The following ATP8B1 variants were observed in gnomAD, a reference collection of about 807,000 sequenced individuals.
ATP8B1 encodes phospholipid-transporting ATPase IC.
Under a neutral mutation model 149.9 loss-of-function variants are expected in ATP8B1, and 80 were observed. That is an observed-to-expected ratio of 0.53 (90% CI 0.45 to 0.64). ATP8B1 has a LOEUF of 0.64. Ranked by LOEUF, ATP8B1 falls within the 30% of genes least tolerant of loss-of-function variation. The pLI is 0.00. For synonymous variants in ATP8B1, 536 were observed against 562.8 expected (o/e 0.95, Z 0.67); for missense variants, 1,247 against 1,552.6 (o/e 0.80, Z 3.31).
intron 16 of ATP8B1, among the ~76,000 whole-genome samples, chr18:57,674,423 C>T (rs1296494576): frequency 1.4e-4 from 17 of 124,238 alleles, no homozygotes; most frequent in South Asian, 1.1e-3. Flanking sequence ...CTTGCTTTAT[C>T]GCCCAGGCTG....
At chr18:57,775,872 G>A (rs1196446416) in intron 1 of ATP8B1, among the ~76,000 whole-genome samples, 2 of 152,114 alleles carry the variant, frequency 1.3e-5, no homozygotes, top group South Asian at 2.1e-4. Flanking sequence ...TCAAACTCCC[G>A]ACCTCAGGTG....
chr18:57,659,000 G>A (rs1910210121), intron 22 of ATP8B1, among the ~76,000 whole-genome samples: 1 of 152,174 alleles, frequency 6.6e-6, no homozygotes, highest in African/African-American at 2.4e-5. Context: ...CTGGGGCCAG[G>A]TGAGGTGGCT....
At chr18:57,736,616 A>G (rs1212591519) in intron 1 of ATP8B1, among the ~76,000 whole-genome samples, 4 of 118,948 alleles carry the variant, frequency 3.4e-5, no homozygotes, top group African/African-American at 1.3e-4. Flanking sequence ...GCATGCCACC[A>G]TGCCTATTTT....
intron 12 of ATP8B1, among the ~76,000 whole-genome samples, chr18:57,691,089 T>A (rs1420577974): frequency 6.6e-6 from 1 of 150,598 alleles, no homozygotes; most frequent in Non-Finnish European, 1.5e-5. Flanking sequence ...GCAGGAGAAC[T>A]GCTTGGATCC....
rs1198572168 is a variant in ATP8B1, at chr18:57,688,302, A to G, written c.1426T>C (p.Tyr476His). ...ATGAGTGACGGCTTCCACTTACCAT[A>G]TATCTGCCCGTTGATACAGCACTTT... ...FKKCCINGQIYGDHRDASQHN... is the reference protein window; with the variant it reads ...FKKCCINGQIHGDHRDASQHN... The change falls in exon 13 of 28, where the codon TAT becomes CAT. Residue 476 changes from tyrosine to histidine, a missense_variant. Physicochemically the swap from Tyr to His is moderately conservative, Grantham distance 83. Transcript: ENST00000648908. 8 of 1,613,684 alleles carry G rather than the reference A, an allele frequency of 5.0e-6. No homozygotes were observed. Among genetic ancestry groups the G allele is most frequent in the Admixed American group, 1.7e-5 (1 of 59,988 alleles).
chr18:57,660,174 G>A (rs1474383594), intron 22 of ATP8B1, among the ~76,000 whole-genome samples: 1 of 152,146 alleles, frequency 6.6e-6, no homozygotes, highest in African/African-American at 2.4e-5. Flanking sequence ...GAGGGCTGTG[G>A]GTGTGCTTCT....
rs115509615 is a variant in ATP8B1, at chr18:57,770,271, C to T, written c.-26+32727G>A. Among the ~76,000 whole-genome samples the T allele has an allele frequency of 5.1e-3, 773 of 152,288 alleles. 6 individuals are homozygous for T. The highest frequency in any genetic ancestry group is 0.018 in the African/African-American group (730 of 41,556). ...TTTTTCTTGCACTCAGGCAGAAGTGCCTCAGCCTAGCAAGCTTCCCTAGGT... is the reference window on the plus strand; with the variant it reads ...TTTTTCTTGCACTCAGGCAGAAGTGTCTCAGCCTAGCAAGCTTCCCTAGGT... On this transcript the variant is annotated intron_variant, in intron 1 of 27. Transcript: ENST00000648908.
chr18:57,799,695 A>G (rs1360586256), intron 1 of ATP8B1, among the ~76,000 whole-genome samples: 1 of 131,472 alleles, frequency 7.6e-6, no homozygotes, highest in African/African-American at 2.9e-5. Flanking sequence ...ACAGAGCAAG[A>G]CTCTGTCTCA....
At chr18:57,661,720 T>A (rs867922711) in intron 21 of ATP8B1, among the ~76,000 whole-genome samples, 16,115 of 120,030 alleles carry the variant, frequency 0.13, 1,218 homozygotes, top group East Asian at 0.51. Flanking sequence ...TATATTTTTT[T>A]TTTTTTTTTT....
rs1270164219 is a variant in ATP8B1, at chr18:57,756,236, C to CACAT, written c.-25-24405_-25-24404insATGT. Among the ~76,000 whole-genome samples the CACAT allele has an allele frequency of 4.1e-3, 432 of 106,140 alleles. 13 individuals carry two copies. The highest frequency in any genetic ancestry group is 0.015 in the African/African-American group (382 of 24,986). The allele number at this position is 106,140 out of a possible 152,430, so 69.6% of individuals were successfully genotyped here. A position where few individuals can be genotyped will look rare whatever the true frequency, so the allele number is the denominator to read the frequency against. Reference sequence around the variant, plus strand: ...ACACACACACACACACACACACACACATATATACACACACACATATATATA... The same window carrying CACAT: ...ACACACACACACACACACACACACACACATATATATACACACACACATATATATA... On this transcript the variant is annotated intron_variant, in intron 1 of 27. Coordinates refer to ENST00000648908, the MANE Select transcript of ATP8B1 (RefSeq NM_001374385.1).
At chr18:57,713,174 T>TC (rs1191117842) in intron 2 of ATP8B1, among the ~76,000 whole-genome samples, 9 of 65,538 alleles carry the variant, frequency 1.4e-4, no homozygotes, top group East Asian at 6.0e-4. Flanking sequence ...TTTCTTTCTT[T>TC]CTTTCTTTCT....
intron 4 of ATP8B1, among the ~76,000 whole-genome samples, chr18:57,703,500 A>G (rs1913229480): frequency 6.6e-6 from 1 of 151,546 alleles, no homozygotes. Flanking sequence ...AACCCAAGAG[A>G]AGGAGGAGGA....
In ATP8B1 at chr18:57,648,710, G is replaced by A. The variant is rs1396213143; in HGVS notation, c.3534C>T (p.Ile1178=). ...MTIWPSESDK[I]QKHRKRLKAE... is the part of the protein sequence containing the mutation. ...CCTTCAACCGCTTGCGATGCTTCTG[G>A]ATCTGCAAGGGGGAGAGATGGGGAG... is the stretch of plus-strand genomic sequence containing the variant. Residue 1178 remains isoleucine, a splice_region_variant and synonymous_variant, in exon 28 of 28, where the codon ATC becomes ATT. Coordinates refer to ENST00000648908, the MANE Select transcript of ATP8B1 (RefSeq NM_001374385.1). 1.3e-6 allele frequency: 2 copies of A among 1,552,280 alleles called. No individual in the cohort carries two copies. The highest frequency in any genetic ancestry group is 2.7e-5 in the African/African-American group (2 of 73,222).
At chr18:57,708,129 G>C (rs1428559634) in intron 2 of ATP8B1, among the ~76,000 whole-genome samples, 1 of 138,904 alleles carries the variant, frequency 7.2e-6, no homozygotes, top group African/African-American at 2.8e-5. Context: ...CTGCACTCCA[G>C]CCTGGGCGAC....
intron 1 of ATP8B1, among the ~76,000 whole-genome samples, chr18:57,769,704 A>C (rs1278264963): frequency 6.6e-6 from 1 of 152,238 alleles, no homozygotes; most frequent in Non-Finnish European, 1.5e-5. Context: ...GGATGTGGGG[A>C]AAGTAAGCTC....
At chr18:57,781,290 T>C (rs1399639380) in intron 1 of ATP8B1, among the ~76,000 whole-genome samples, 1 of 152,230 alleles carries the variant, frequency 6.6e-6, no homozygotes, top group East Asian at 1.9e-4. Flanking sequence ...TTCTTGCCAG[T>C]AGGTGCGTTA....
At chr18:57,743,160 CTG>C (rs2079934315) in intron 1 of ATP8B1, among the ~76,000 whole-genome samples, 1 of 152,108 alleles carries the variant, frequency 6.6e-6, no homozygotes, top group Admixed American at 6.6e-5. Flanking sequence ...AATGAAAAAA[CTG>C]AGGTGGTTTC....
chr18:57,721,531 C>T (rs1480785333), intron 2 of ATP8B1, among the ~76,000 whole-genome samples: 9 of 152,032 alleles, frequency 5.9e-5, no homozygotes, highest in Admixed American at 2.0e-4. Context: ...GGGATCAATT[C>T]GACAAGAAGA....
intron 20 of ATP8B1, among the ~76,000 whole-genome samples, chr18:57,665,037 G>T (rs1910768507): frequency 6.6e-6 from 1 of 151,990 alleles, no homozygotes; most frequent in African/African-American, 2.4e-5. Context: ...CCCACTAGAA[G>T]CCAGGAGCAC....
Sources: allele counts gnomAD v4.1 joint callset (sites outside exome capture counted in the v4.1 genomes callset), GRCh38; gene constraint gnomAD v4.1.1; transcripts MANE v1.5; gene names NCBI Gene and HGNC (gene_info 2026-07-23, HGNC 2026-07-21).